Variants in ASB4 observed in about 807,000 individuals in gnomAD.
ASB4 encodes the protein ankyrin repeat and SOCS box protein 4.
Under a neutral mutation model 38.6 loss-of-function variants are expected in ASB4, and 35 were observed. The observed-to-expected ratio is 0.91, with a 90% CI of 0.69 to 1.20. The LOEUF is 1.20. Ranked by LOEUF, ASB4 falls within the 50% of genes most tolerant of loss-of-function variation. ASB4 has a pLI of 0.00. For missense variants in ASB4, 557 were observed against 527.2 expected (o/e 1.06, Z -0.55); for synonymous variants, 195 against 201.3 (o/e 0.97, Z 0.26).
upstream of ASB4, among the ~76,000 whole-genome samples, chr7:95,475,912 G>A (rs1789972452): frequency 1.3e-5 from 2 of 152,120 alleles, no homozygotes; most frequent in Non-Finnish European, 2.9e-5. Context: ...TTCCTAAATG[G>A]CATCACAGTG....
At chr7:95,545,701 G>A in the ASB4 span, among the ~76,000 whole-genome samples, 1 of 152,122 alleles carries the variant, frequency 6.6e-6, no homozygotes, top group African/African-American at 2.4e-5. Context: ...TATTCTTAGG[G>A]TCTGTCAACA....
intron 2 of ASB4, among the ~76,000 whole-genome samples, chr7:95,510,326 C>T (rs1051149522): frequency 1.4e-4 from 21 of 152,052 alleles, no homozygotes; most frequent in African/African-American, 4.3e-4. Flanking sequence ...AAGTATCATG[C>T]CTTTATTTTG....
intron 2 of ASB4, among the ~76,000 whole-genome samples, chr7:95,517,456 G>T (rs1262429036): frequency 6.6e-6 from 1 of 152,168 alleles, no homozygotes; most frequent in Non-Finnish European, 1.5e-5. Flanking sequence ...TCTCCAGGAA[G>T]TTATGTATAA....
intron 2 of ASB4, among the ~76,000 whole-genome samples, chr7:95,515,315 T>TCC (rs1409514283): frequency 0.031 from 3,779 of 120,194 alleles, 135 homozygotes; most frequent in East Asian, 0.053. Context: ...CTTTCTTTCT[T>TCC]TCTTCCTTCC....
At chr7:95,547,197 A>C in the ASB4 span, among the ~76,000 whole-genome samples, 3 of 152,222 alleles carry the variant, frequency 2.0e-5, no homozygotes, top group Non-Finnish European at 4.4e-5. Flanking sequence ...TGTATGAATG[A>C]TTACAAGTGT....
upstream of ASB4, among the ~76,000 whole-genome samples, chr7:95,474,614 T>G (rs147719163): frequency 1.5e-3 from 232 of 152,280 alleles, 3 homozygotes; most frequent in African/African-American, 5.5e-3. Flanking sequence ...CTTAACCTCC[T>G]GGGCTCAAGC....
At chr7:95,515,179 T>TTC (rs1297471555) in intron 2 of ASB4, among the ~76,000 whole-genome samples, 1 of 91,506 alleles carries the variant, frequency 1.1e-5, no homozygotes, top group Non-Finnish European at 2.3e-5. Context: ...CTTTCTTTCT[T>TTC]TCTTTCTTTC....
chr7:95,534,161 A>G (rs1267070818), intron 3 of ASB4, among the ~76,000 whole-genome samples: 2 of 152,158 alleles, frequency 1.3e-5, no homozygotes, highest in African/African-American at 4.8e-5. Context: ...CCTTACCAAC[A>G]TGGTGAAACC....
At chr7:95,537,112 A>G (rs981837162) in intron 4 of ASB4, among the ~76,000 whole-genome samples, 1 of 152,216 alleles carries the variant, frequency 6.6e-6, no homozygotes, top group African/African-American at 2.4e-5. Flanking sequence ...ATGGAGAGGT[A>G]TCAGGCACAG....
chr7:95,528,577 T>C, intron 3 of ASB4: 3 of 1,391,232 alleles, frequency 2.2e-6, no homozygotes, highest in Non-Finnish European at 1.9e-6. Flanking sequence ...GGTGGCTTCC[T>C]GAGGGACTGA....
chr7:95,542,030 GT>G (rs933137167), downstream of ASB4: 6 of 151,624 alleles, frequency 4.0e-5, no homozygotes, highest in African/African-American at 1.5e-4. Flanking sequence ...TCACACCACT[GT>G]ATTCCAACCT....
intron 1 of ASB4, among the ~76,000 whole-genome samples, chr7:95,480,179 C>T (rs2116566191): frequency 6.6e-6 from 1 of 152,264 alleles, no homozygotes; most frequent in South Asian, 2.1e-4. Flanking sequence ...TGGCTGCAAT[C>T]CTAGACCTTA....
intron 2 of ASB4, among the ~76,000 whole-genome samples, chr7:95,507,746 A>G (rs1344540177): frequency 1.3e-5 from 2 of 152,190 alleles, no homozygotes; most frequent in Non-Finnish European, 2.9e-5. Context: ...GATCATTACC[A>G]GTAAAATCAT....
intron 1 of ASB4, among the ~76,000 whole-genome samples, chr7:95,488,252 A>G (rs1790120758): frequency 6.6e-6 from 1 of 152,168 alleles, no homozygotes; most frequent in South Asian, 2.1e-4. Flanking sequence ...GAGACAGGAG[A>G]ATGGTGTGAA....
chr7:95,526,534 G>A (rs1410315489), intron 2 of ASB4, among the ~76,000 whole-genome samples: 4 of 152,050 alleles, frequency 2.6e-5, no homozygotes, highest in Admixed American at 1.3e-4. Flanking sequence ...TGTGACACCG[G>A]CCCCAGCTAG....
intron 2 of ASB4, among the ~76,000 whole-genome samples, chr7:95,499,004 A>G (rs1790292389): frequency 6.6e-6 from 1 of 152,174 alleles, no homozygotes; most frequent in Non-Finnish European, 1.5e-5. Flanking sequence ...TGACCTATAT[A>G]TCTTTTTATT....
At chr7:95,544,705 A>T (rs145727665), downstream of ASB4, among the ~76,000 whole-genome samples, 3 of 151,752 alleles carry the variant, frequency 2.0e-5, no homozygotes, top group African/African-American at 7.2e-5. Context: ...ATTTTATTTT[A>T]TTTTTTTGAG....
chr7:95,503,901 T>C (rs1199440745), intron 2 of ASB4, among the ~76,000 whole-genome samples: 1 of 152,200 alleles, frequency 6.6e-6, no homozygotes, highest in Non-Finnish European at 1.5e-5. Context: ...ATTTTTTCAG[T>C]GTTGCAGAGC....
At chr7:95,513,771 G>C (rs550710428) in intron 2 of ASB4, among the ~76,000 whole-genome samples, 30 of 152,058 alleles carry the variant, frequency 2.0e-4, no homozygotes, top group Non-Finnish European at 3.7e-4. Flanking sequence ...CCAGTTTGTG[G>C]TAACTTGTGA....
Sources: allele counts gnomAD v4.1 joint callset (sites outside exome capture counted in the v4.1 genomes callset), GRCh38; gene constraint gnomAD v4.1.1; transcripts MANE v1.5; gene names NCBI Gene and HGNC (gene_info 2026-07-23, HGNC 2026-07-21).